MUC5B: variants seen among roughly 807,000 people sequenced by gnomAD.
MUC5B encodes mucin 5B, oligomeric mucus/gel-forming.
Under a neutral mutation model 376.9 loss-of-function variants are expected in MUC5B, and 116 were observed. The observed-to-expected ratio is 0.31, with a 90% CI of 0.26 to 0.36. The LOEUF (loss-of-function observed/expected upper bound fraction) is 0.36. MUC5B is among the 10% of genes least tolerant of loss of function. The pLI, the probability that MUC5B is intolerant of heterozygous loss-of-function variation, is 1.00. For synonymous variants in MUC5B, 3,517 were observed against 3,390.9 expected, an observed-to-expected ratio of 1.04 and a Z score of -1.29; for missense variants, 7,165 against 7,769.9, an observed-to-expected ratio of 0.92 and a Z score of 2.93.
Position 1,235,303 on chromosome 11 carries a change from G to A in MUC5B, c.2770G>A (p.Asp924Asn). The change falls in exon 23 of 49, where the codon GAC (aspartate) becomes AAC (asparagine). Residue 924 changes from aspartate to asparagine, a missense_variant and splice_region_variant. Coordinates refer to ENST00000529681, the MANE Select transcript of MUC5B (RefSeq NM_002458.3). ...EGSCEYILAQ[D>N]YCGDNTTHGT... is the part of the protein sequence containing the mutation. Reference sequence around the variant, plus strand: ...AGCAGCTTGTCTCTTTCTGGCCCAGGACTACTGTGGGGACAACACCACCCA... The same window carrying A: ...AGCAGCTTGTCTCTTTCTGGCCCAGAACTACTGTGGGGACAACACCACCCA... The A allele has an allele frequency of 6.2e-7, 1 of 1,612,554 alleles. No homozygotes were observed. Among genetic ancestry groups the A allele is most frequent in the Non-Finnish European group, 8.5e-7 (1 of 1,179,412 alleles).
At chr11:1,233,696 T>C in intron 18 of MUC5B, 97 bp from the exon 19 acceptor site, 1 of 1,239,578 alleles carries the variant, frequency 8.1e-7, no homozygotes, top group Non-Finnish European at 1.2e-6. Context: ...GTGGCCAGGC[T>C]GGGGAGGCCC....
chr11:1,227,212 G>T, intron 5 of MUC5B, 67 bp downstream of exon 5: 12 of 1,577,530 alleles, frequency 7.6e-6, no homozygotes, highest in Non-Finnish European at 9.5e-6. Context: ...GGGGTCGAGG[G>T]ATGCCTCCCT....
rs1160318146 is a variant in MUC5B, at chr11:1,239,450, A to C, written c.3467A>C (p.Asp1156Ala). The C allele has an allele frequency of 1.9e-6, 3 of 1,607,528 alleles. No individual in the cohort carries two copies. The highest frequency in any genetic ancestry group is 2.6e-6 in the Non-Finnish European group (3 of 1,176,048). The change falls in exon 27 of 49, where the codon GAC becomes GCC. Residue 1156 changes from aspartate to alanine, a missense_variant. Asp to Ala is a moderately radical substitution (Grantham distance 126). This residue lies in a region of MUC5B where 143 missense variants were observed against 193.2 expected (regional missense o/e 0.74). Coordinates refer to ENST00000529681, the MANE Select transcript of MUC5B (RefSeq NM_002458.3). ...RTPDTCPLFC[D>A]FYNPHGGCEW... ...CTCTGTGCCCCAGCCTTGTTCTGTGACTTCTACAACCCACATGGGGGCTGT... is the reference window on the plus strand; with the variant it reads ...CTCTGTGCCCCAGCCTTGTTCTGTGCCTTCTACAACCCACATGGGGGCTGT...
chr11:1,257,106 C>T lies in MUC5B; in HGVS notation c.16238-134C>T, dbSNP rs1277733112. On this transcript the variant is annotated intron_variant, in intron 39 of 48. Transcript: ENST00000529681. The surrounding 1 kb of genome is among the most constrained non-coding windows in gnomAD (Gnocchi z 8.9). The stretch of plus-strand genomic sequence containing the variant: ...TGGCCTGAGCTCCAGCCACATCTGA[C>T]ACCCCAAAAGTTCTCCAGGGCCTTC... 1.4e-6 allele frequency: 1 copy of T among 691,212 alleles called. No individual in the cohort carries two copies. The highest frequency in any genetic ancestry group is 1.6e-5 in the South Asian group (1 of 62,720). 42.8% of individuals were successfully genotyped at this position (691,212 alleles called of 1,614,324 possible).
rs1403200884 is a variant in MUC5B at position 1,242,795 on chromosome 11, C to G, written c.5915C>G (p.Ala1972Gly). The change falls in exon 31 of 49, where the codon GCC becomes GGC. Residue 1972 changes from alanine to glycine, a missense_variant. By Grantham distance (60) the Ala-to-Gly change is moderately conservative. Transcript: ENST00000529681. ...GCCCTTCCAGCACTGAGAAGCACAG[C>G]CACCACACCCACAGCTACCAGCGTT... Reference protein sequence around the residue: ...ATALPALRSTATTPTATSVTP... With the variant: ...ATALPALRSTGTTPTATSVTP... 2 of 1,613,232 alleles carry G rather than the reference C, an allele frequency of 1.2e-6. No individual in the cohort carries two copies. Among genetic ancestry groups the G allele is most frequent in the Non-Finnish European group, 1.7e-6 (2 of 1,179,574 alleles).
rs1401660276 is a variant in MUC5B, at chr11:1,243,240, C to G, written c.6360C>G (p.Pro2120=). The G allele has an allele frequency of 1.3e-6, 2 of 1,560,108 alleles. No homozygotes were observed. The highest frequency in any genetic ancestry group is 2.7e-5 in the African/African-American group (2 of 72,888). Residue 2120 remains proline (P), a synonymous_variant, in exon 31 of 49, where the codon CCC becomes CCG. Coordinates refer to ENST00000529681, the MANE Select transcript of MUC5B (RefSeq NM_002458.3). The part of the protein sequence containing the change: ...TTVATGSMAT[P]SSSTQTSGTP... ...TGGCCACTGGTTCTATGGCAACACC[C>G]TCCTCTAGCACACAGACCAGTGGTA...
Position 1,246,026 on chromosome 11 carries a change from C to A in MUC5B, c.9146C>A (p.Thr3049Asn). The A allele has an allele frequency of 6.2e-7, 1 of 1,613,036 alleles. No individual in the cohort carries two copies. Among genetic ancestry groups the A allele is most frequent in the Middle Eastern group, 1.7e-4 (1 of 6,060 alleles). The change falls in exon 31 of 49, where the codon ACC (threonine) becomes AAC (asparagine). Residue 3049 changes from threonine to asparagine, a missense_variant. By Grantham distance (65) the Thr-to-Asn change is moderately conservative. Transcript: ENST00000529681. Reference sequence around the variant, plus strand: ...TCCTCCTCCAGTCCAAGGACTGCAACCACCCTTCCAGTGCTGACAAGCACA... The same window carrying A: ...TCCTCCTCCAGTCCAAGGACTGCAAACACCCTTCCAGTGCTGACAAGCACA... ...ATSSSSPRTA[T>N]TLPVLTSTAT...
In MUC5B at chr11:1,236,524, A is replaced by G. The variant is rs555888847; in HGVS notation, c.3019A>G (p.Lys1007Glu). Residue 1007 changes from lysine (K) to glutamate (E), a missense_variant, in exon 24 of 49, where the codon AAG becomes GAG. Physicochemically the swap from Lys to Glu is moderately conservative, Grantham distance 56. Transcript: ENST00000529681. ...THGMAVSWDR[K>E]TSVFIRLHQD... is the part of the protein sequence containing the mutation. ...CGGGATGGCCGTGTCCTGGGACCGG[A>G]AGACCAGCGTGTTCATCCGACTGCA... is the stretch of plus-strand genomic sequence containing the variant. The G allele has an allele frequency of 3.1e-6, 5 of 1,612,990 alleles. No individual in the cohort carries two copies. The South Asian group carries it at 5.5e-5, about 18-fold the overall frequency.
Position 1,252,818 on chromosome 11 carries a change from A to G in MUC5B, c.15055A>G (p.Thr5019Ala). The change falls in exon 33 of 49, where the codon ACC becomes GCC. Residue 5019 changes from threonine (T) to alanine (A), a missense_variant. Around this residue, in one of 31 missense-constraint regions of MUC5B, gnomAD observed 842 missense variants for 1,016.9 expected, o/e 0.83. Transcript: ENST00000529681. ...ATGTTCCCTGCCCCAGGTGAATGAGACCTGGACCCTGGAGAACTGCACGGT... is the reference window on the plus strand; with the variant it reads ...ATGTTCCCTGCCCCAGGTGAATGAGGCCTGGACCCTGGAGAACTGCACGGT... ...NAIPLRQVNETWTLENCTVAR... is the reference protein window; with the variant it reads ...NAIPLRQVNEAWTLENCTVAR... 1.2e-6 allele frequency: 2 copies of G among 1,608,482 alleles called. No homozygotes were observed. Among genetic ancestry groups the G allele is most frequent in the South Asian group, 2.2e-5 (2 of 90,138 alleles).
intron 13 of MUC5B, 31 bp downstream of exon 13, chr11:1,231,036 G>C (rs1026032150): frequency 3.2e-6 from 5 of 1,549,982 alleles, no homozygotes; most frequent in African/African-American, 1.4e-5. Context: ...GGCCGGGCTG[G>C]GTGGCGCCTG....
chr11:1,246,659 C>T lies in MUC5B; in HGVS notation c.9779C>T (p.Ala3260Val). 6.2e-7 allele frequency: 1 copy of T among 1,611,878 alleles called. No individual in the cohort carries two copies. The highest frequency in any genetic ancestry group is 8.5e-7 in the Non-Finnish European group (1 of 1,178,518). The change falls in exon 31 of 49, where the codon GCC becomes GTC. Residue 3260 changes from alanine to valine, a missense_variant. Coordinates refer to ENST00000529681, the MANE Select transcript of MUC5B (RefSeq NM_002458.3). ...CTATCACAGACCACCACACCCACGG[C>T]CACCATGTCCACAGCCACACCCTCC... ...TRLSQTTTPTATMSTATPSST... is the reference protein window; with the variant it reads ...TRLSQTTTPTVTMSTATPSST...
rs1385539834 is a variant in MUC5B, at chr11:1,261,707, C to G, written c.*99C>G. On this transcript the variant is annotated 3_prime_UTR_variant, in exon 49 of 49. Coordinates refer to ENST00000529681, the MANE Select transcript of MUC5B (RefSeq NM_002458.3). Reference sequence around the variant, plus strand: ...GGGCCTCCTCTGCGGAGCCCCCCGGCCTGTGTGTGGCACCCCGCGCTCCGT... The same window carrying G: ...GGGCCTCCTCTGCGGAGCCCCCCGGGCTGTGTGTGGCACCCCGCGCTCCGT... 2 of 1,235,578 alleles carry G rather than the reference C, an allele frequency of 1.6e-6. No individual in the cohort carries two copies. Among genetic ancestry groups the G allele is most frequent in the Admixed American group, 4.0e-5 (2 of 50,530 alleles). 76.5% of individuals were successfully genotyped at this position (1,235,578 alleles called of 1,614,324 possible).
rs1862093801 is a variant in MUC5B at position 1,233,859 on chromosome 11, CCCCT to C, written c.2377+12_2377+15del. 1 of 1,567,552 alleles carries C rather than the reference CCCCT, an allele frequency of 6.4e-7. No homozygotes were observed. The highest frequency in any genetic ancestry group is 8.6e-7 in the Non-Finnish European group (1 of 1,156,844). ...TGCAGAAAAGCACAGGTAAGTGCCA[CCCCT>C]GCCCTGCCCTGCCCTGCCCCGCCCC... On this transcript the variant is annotated intron_variant, in intron 19 of 48. Transcript: ENST00000529681.
rs1453330797 is a variant in MUC5B, at chr11:1,223,127, G to A, written c.4G>A (p.Gly2Ser). ...CCCACCCGTGCCAGCCCCCAGGATG[G>A]GTGCCCCGAGCGCGTGCCGGACGCT... Reference protein sequence around the residue: MGAPSACRTLVL... With the variant: MSAPSACRTLVL... Residue 2 changes from glycine to serine, a missense_variant, in exon 1 of 49, where the codon GGT (glycine) becomes AGT (serine). By Grantham distance (56) the Gly-to-Ser change is moderately conservative. This residue lies in a region of MUC5B where 640 missense variants were observed against 733.0 expected (regional missense o/e 0.87). Transcript: ENST00000529681. 2.8e-6 allele frequency: 2 copies of A among 704,442 alleles called. No homozygotes were observed. The highest frequency in any genetic ancestry group is 2.6e-6 in the Non-Finnish European group (1 of 383,896). 43.6% of individuals were successfully genotyped at this position (704,442 alleles called of 1,614,324 possible).
chr11:1,249,300 C>T lies in MUC5B; in HGVS notation c.12420C>T (p.Tyr4140=), dbSNP rs573793614. 205 of 1,611,036 alleles carry T rather than the reference C, an allele frequency of 1.3e-4. No individual in the cohort carries two copies. Among genetic ancestry groups the T allele is most frequent in the Non-Finnish European group, 5.1e-5 (60 of 1,179,508 alleles). The change falls in exon 31 of 49, where the codon TAC becomes TAT. Residue 4140 remains tyrosine (Y), a synonymous_variant. Transcript: ENST00000529681. The stretch of plus-strand genomic sequence containing the variant: ...GTGCCTGGTCAGAGTGGCTGGACTA[C>T]AGCTACCCCATGCCGGGGCCCTCTG... The part of the protein sequence containing the change: ...PQCAWSEWLD[Y]SYPMPGPSGG...
Position 1,241,132 on chromosome 11 carries a change from C to A in MUC5B, c.4252C>A (p.His1418Asn). 6.2e-7 allele frequency: 1 copy of A among 1,611,182 alleles called. No individual in the cohort carries two copies. Among genetic ancestry groups the A allele is most frequent in the Non-Finnish European group, 8.5e-7 (1 of 1,178,914 alleles). ...CAGCCAACAGAGTCCCCCGCTCTGT[C>A]ACGACTACGAGCTGCGGGTTCTCTG... is the stretch of plus-strand genomic sequence containing the variant. ...ANSQQSPPLC[H>N]DYELRVLCCE... The change falls in exon 31 of 49, where the codon CAC becomes AAC. Residue 1418 changes from histidine (H) to asparagine (N), a missense_variant. Transcript: ENST00000529681.
In MUC5B at chr11:1,251,190, A is replaced by G; in HGVS notation, c.14310A>G (p.Thr4770=). 6.2e-7 allele frequency: 1 copy of G among 1,610,798 alleles called. No homozygotes were observed. Residue 4770 remains threonine, a synonymous_variant, in exon 31 of 49, where the codon ACA becomes ACG. Transcript: ENST00000529681. The part of the protein sequence containing the change: ...TTWTVPAQTT[T]PMSTMSTIHT... ...GGACCGTCCCAGCACAGACCACCAC[A>G]CCCATGTCCACCATGTCCACAATCC... is the stretch of plus-strand genomic sequence containing the variant.
Position 1,227,549 on chromosome 11 carries a change from C to T in MUC5B, c.668-126C>T, listed in dbSNP as rs1018016006. ...TGTGCCCTACATGGTGGGAGGAGTGCCCCTCGGGGGTGTTGGGCCCTAGGC... is the reference window on the plus strand; with the variant it reads ...TGTGCCCTACATGGTGGGAGGAGTGTCCCTCGGGGGTGTTGGGCCCTAGGC... On this transcript the variant is annotated intron_variant, in intron 6 of 48. Coordinates refer to ENST00000529681, the MANE Select transcript of MUC5B (RefSeq NM_002458.3). The T allele has an allele frequency of 5.0e-5, 34 of 685,518 alleles. 1 individual carries two copies. In the South Asian group the frequency reaches 5.4e-4, roughly 11 times the overall value. 42.5% of individuals were successfully genotyped at this position (685,518 alleles called of 1,614,324 possible). A position where few individuals can be genotyped will look rare whatever the true frequency, so the allele number is the denominator to read the frequency against.
At chr11:1,259,377 C>T (rs1862939978) in intron 44 of MUC5B, 2 of 489,214 alleles carry the variant, frequency 4.1e-6, no homozygotes, top group South Asian at 4.4e-5. Context: ...CTGGGCAGAC[C>T]CAGCCCTGAG....
Sources: gnomAD v4.1 joint callset for allele counts on GRCh38, gnomAD v4.1.1 for gene constraint, gnomAD v4.1.1 regional missense constraint, Gnocchi (gnomAD v3.1) non-coding constraint, MANE v1.5 for transcripts, NCBI Gene and HGNC (gene_info 2026-07-23, HGNC 2026-07-21) for gene names.